The following ENAH variants were observed in gnomAD, a reference collection of about 807,000 sequenced individuals.
The protein encoded by ENAH is protein enabled homolog.
A neutral mutation model predicts 78.7 loss-of-function variants in ENAH; 23 were observed. The ratio of observed to expected loss-of-function variants is 0.29; its 90% confidence interval spans 0.21 to 0.41. The LOEUF (loss-of-function observed/expected upper bound fraction) is 0.41. Among genes scored for constraint, ENAH ranks in the 10% least tolerant of loss-of-function variants. The pLI is 1.00. For synonymous variants in ENAH, 226 were observed against 241.0 expected (o/e 0.94, Z 0.58); for missense variants, 544 against 691.0 (o/e 0.79, Z 2.39).
At chr1:225,498,534 A>G (rs2096262765) in intron 12 of ENAH, 130 bp from the exon 13 acceptor site, 1 of 600,816 alleles carries the variant, frequency 1.7e-6, no homozygotes, top group Non-Finnish European at 2.9e-6. Context: ...CCACAATTCT[A>G]TTTCTTGGAA....
At chr1:225,535,627 A>G (rs1246826147) in intron 3 of ENAH, 22 of 911,070 alleles carry the variant, frequency 2.4e-5, no homozygotes, top group Non-Finnish European at 3.3e-5. Flanking sequence ...AGAACTTCAC[A>G]TAAACTAAAA....
At chr1:225,588,201 GA>G (rs2096856883) in intron 1 of ENAH, among the ~76,000 whole-genome samples, 1 of 151,938 alleles carries the variant, frequency 6.6e-6, no homozygotes, top group Non-Finnish European at 1.5e-5. Flanking sequence ...GGGAGGAGGG[GA>G]AAAGGGAGAG....
At position 225,517,671 on chromosome 1, in the gene ENAH, A is replaced by T. The variant is rs1045210074; in HGVS notation, c.803-365T>A. On this transcript the variant is annotated intron_variant, in intron 5 of 13. Transcript: ENST00000366843. ...ACCAGGCACAGGGCTTCGTAGCTGG[A>T]GGCTGAGAAGAGGGTGTGTTCACAG... is the stretch of plus-strand genomic sequence containing the variant. The T allele has an allele frequency of 3.2e-6, 5 of 1,550,854 alleles. No individual in the cohort carries two copies. The African/African-American group carries it at 6.8e-5, about 21-fold the overall frequency.
chr1:225,526,668 G>T (rs2096508262), intron 4 of ENAH, among the ~76,000 whole-genome samples: 2 of 151,840 alleles, frequency 1.3e-5, no homozygotes, highest in South Asian at 2.1e-4. Context: ...CAGTGAGGTG[G>T]TTTTTAAAAA....
At chr1:225,621,486 G>A (rs1388918751) in intron 1 of ENAH, among the ~76,000 whole-genome samples, 1 of 151,542 alleles carries the variant, frequency 6.6e-6, no homozygotes, top group Non-Finnish European at 1.5e-5. Flanking sequence ...TAGAGACGGG[G>A]TTTCACCGTT....
chr1:225,508,841 T>C (rs1293225020), intron 10 of ENAH, among the ~76,000 whole-genome samples: 1 of 152,268 alleles, frequency 6.6e-6, no homozygotes, highest in East Asian at 1.9e-4. Flanking sequence ...TCTCATTGTA[T>C]AGTTTTAACT....
intron 1 of ENAH, among the ~76,000 whole-genome samples, chr1:225,570,837 C>T (rs576790403): frequency 6.6e-6 from 1 of 151,904 alleles, no homozygotes; most frequent in East Asian, 1.9e-4. Context: ...GTGGCGAGCA[C>T]CTGTAATCCC....
At position 225,505,123 on chromosome 1, in the gene ENAH, G is replaced by C. The variant is rs75901644; in HGVS notation, c.1538+2828C>G. The C allele has an allele frequency of 1.7e-5, 20 of 1,181,792 alleles. No homozygotes were observed. In the East Asian group the frequency reaches 4.9e-4, roughly 29 times the overall value. The allele number at this position is 1,181,792 out of a possible 1,614,324, so 73.2% of individuals were successfully genotyped here. A position where few individuals can be genotyped will look rare whatever the true frequency, so the allele number is the denominator to read the frequency against. ...AAAAAATAATTCTCATTATGTTACT[G>C]TTTTATAGGTTGTTAATAGCAAACA... is the stretch of plus-strand genomic sequence containing the variant. On this transcript the variant is annotated intron_variant, in intron 11 of 13. Transcript: ENST00000366843.
intron 1 of ENAH, among the ~76,000 whole-genome samples, chr1:225,575,628 A>G (rs560696135): frequency 1.3e-5 from 2 of 152,228 alleles, no homozygotes; most frequent in South Asian, 4.2e-4. Context: ...CCCCATTTTC[A>G]TCTTCCCAGA....
At chr1:225,610,588 A>G (rs547859138) in intron 1 of ENAH, among the ~76,000 whole-genome samples, 4 of 152,178 alleles carry the variant, frequency 2.6e-5, no homozygotes, top group Non-Finnish European at 5.9e-5. Context: ...GCTGACTTCC[A>G]ATTTTAAAAC....
intron 1 of ENAH, among the ~76,000 whole-genome samples, chr1:225,641,687 G>A (rs1293604928): frequency 1.3e-5 from 2 of 151,732 alleles, no homozygotes; most frequent in African/African-American, 2.4e-5. Flanking sequence ...CGGAGTTCGA[G>A]ACCAGCCTGG....
Position 225,519,514 on chromosome 1 carries a change from C to G in ENAH, c.486G>C (p.Glu162Asp), listed in dbSNP as rs1483307865. The change falls in exon 5 of 14, where the codon GAG (glutamate) becomes GAC (aspartate). Residue 162 changes from glutamate (E) to aspartate (D), a missense_variant. Glu to Asp is a conservative substitution (Grantham distance 45, BLOSUM62 2). Around this residue, in one of 4 missense-constraint regions of ENAH, gnomAD observed 366 missense variants for 396.1 expected, o/e 0.92. Coordinates refer to ENST00000366843, the MANE Select transcript of ENAH (RefSeq NM_018212.6). Reference protein sequence around the residue: ...RQKELERERLERERMERERLE... With the variant: ...RQKELERERLDRERMERERLE... Reference sequence around the variant, plus strand: ...ACCTTTCTCTTTCCATTCTTTCTCGCTCCAGCCTTTCCCGCTCCAGCTCCT... The same window carrying G: ...ACCTTTCTCTTTCCATTCTTTCTCGGTCCAGCCTTTCCCGCTCCAGCTCCT... 6.2e-7 allele frequency: 1 copy of G among 1,612,254 alleles called. No homozygotes were observed. The highest frequency in any genetic ancestry group is 1.3e-5 in the African/African-American group (1 of 74,796).
In ENAH at chr1:225,541,390, G is replaced by A. The variant is rs538508428; in HGVS notation, c.350-10752C>T. Among the ~76,000 whole-genome samples, 118 of 152,114 alleles carry A rather than the reference G, an allele frequency of 7.8e-4. 1 individual carries two copies. Among genetic ancestry groups the A allele is most frequent in the African/African-American group, 2.5e-3 (105 of 41,500 alleles). ...GCGGAGGTTGCAGTGAGCCAAGATC[G>A]CGCCACTGTACTCCAGCCCGGGCGA... On this transcript the variant is annotated intron_variant, in intron 3 of 13. Coordinates refer to ENST00000366843, the MANE Select transcript of ENAH (RefSeq NM_018212.6).
intron 11 of ENAH, chr1:225,501,306 G>A (rs2096281057): frequency 4.6e-6 from 2 of 434,290 alleles, no homozygotes; most frequent in Non-Finnish European, 8.1e-6. Context: ...AAGATGGTGA[G>A]ACTTCTTCAG....
intron 3 of ENAH, among the ~76,000 whole-genome samples, chr1:225,544,551 C>T (rs1263619176): frequency 1.3e-5 from 2 of 152,202 alleles, no homozygotes; most frequent in African/African-American, 4.8e-5. Flanking sequence ...TGCTATGAGA[C>T]ATGAAACCCA....
At chr1:225,591,416 C>T (rs1398713759) in intron 1 of ENAH, among the ~76,000 whole-genome samples, 2 of 150,800 alleles carry the variant, frequency 1.3e-5, no homozygotes, top group African/African-American at 2.4e-5. Flanking sequence ...TGCAGTGAGC[C>T]GAGACTGCGC....
chr1:225,601,384 G>A (rs936943811), intron 1 of ENAH, among the ~76,000 whole-genome samples: 3 of 152,106 alleles, frequency 2.0e-5, no homozygotes, highest in African/African-American at 4.8e-5. Context: ...CGGGTGTGGT[G>A]GCGGACGCAT....
rs6661982 is a variant in ENAH at position 225,553,444 on chromosome 1, C to T, written c.349+1462G>A. Reference sequence around the variant, plus strand: ...ATTTAGTTTCTAATATCAACGGATACACTTTTGAAAGTTTAGAAATAAAAA... The same window carrying T: ...ATTTAGTTTCTAATATCAACGGATATACTTTTGAAAGTTTAGAAATAAAAA... On this transcript the variant is annotated intron_variant, in intron 3 of 13. Coordinates refer to ENST00000366843, the MANE Select transcript of ENAH (RefSeq NM_018212.6). Among the ~76,000 whole-genome samples the T allele has an allele frequency of 7.2e-4, 110 of 152,104 alleles. 1 individual carries two copies. The highest frequency in any genetic ancestry group is 2.5e-3 in the African/African-American group (103 of 41,514).
At chr1:225,651,396 A>G (rs1256649290) in intron 1 of ENAH, among the ~76,000 whole-genome samples, 6 of 150,130 alleles carry the variant, frequency 4.0e-5, no homozygotes, top group Non-Finnish European at 4.5e-5. Context: ...ACCTTGATAG[A>G]AAAAAAAAAT....
Sources: gnomAD v4.1 joint callset for allele counts (sites outside exome capture counted in the v4.1 genomes callset) on GRCh38, gnomAD v4.1.1 for gene constraint, gnomAD v4.1.1 regional missense constraint, MANE v1.5 for transcripts, NCBI Gene and HGNC (gene_info 2026-07-23, HGNC 2026-07-21) for gene names.